CTNNA2: variants seen among roughly 807,000 people sequenced by gnomAD.
CTNNA2 encodes the protein catenin alpha-2.
CTNNA2 carries 42 observed loss-of-function variants against 101.0 expected under a neutral mutation model. The observed-to-expected ratio is 0.42, with a 90% confidence interval of 0.32 to 0.54. The LOEUF (loss-of-function observed/expected upper bound fraction) is 0.54. Among genes scored for constraint, CTNNA2 ranks in the 20% least tolerant of loss-of-function variants. The pLI, the probability that CTNNA2 is intolerant of heterozygous loss-of-function variation, is 0.14. For synonymous variants in CTNNA2, 450 were observed against 456.4 expected, an observed-to-expected ratio of 0.99 and a Z score of 0.18; for missense variants, 871 against 1,223.1, an observed-to-expected ratio of 0.71 and a Z score of 4.29.
chr2:80,216,839 AT>A (rs5832441), intron 7 of CTNNA2, among the ~76,000 whole-genome samples: 82,958 of 135,918 alleles, frequency 0.61, 24,572 homozygotes, highest in African/African-American at 0.73. Context: ...AGCTATTTCC[AT>A]TTTTTTTTTT....
chr2:80,627,477 G>A (rs2149820870), intron 18 of CTNNA2, among the ~76,000 whole-genome samples: 1 of 152,258 alleles, frequency 6.6e-6, no homozygotes, highest in African/African-American at 2.4e-5. Flanking sequence ...GTGATGATGA[G>A]CATTATTTCA....
chr2:80,272,843 A>G lies in CTNNA2; in HGVS notation c.1057-120368A>G, dbSNP rs1673604605. ...ATCTAGCAACCCAAGCTGCGAGACA[A>G]CTATTTTGCCAAGATATTTGCTTGA... On this transcript the variant is annotated intron_variant, in intron 7 of 18. Transcript: ENST00000402739. 2.0e-5 allele frequency among the ~76,000 whole-genome samples: 3 copies of G among 152,312 alleles called. No individual in the cohort carries two copies. The South Asian group carries it at 6.2e-4, about 32-fold the overall frequency.
In CTNNA2 at chr2:80,226,837, G is replaced by T. The variant is rs116152285; in HGVS notation, c.1057-166374G>T. Among the ~76,000 whole-genome samples the T allele has an allele frequency of 9.9e-5, 15 of 152,028 alleles. No individual in the cohort carries two copies. In the South Asian group the frequency reaches 3.1e-3, roughly 32 times the overall value. On this transcript the variant is annotated intron_variant, in intron 7 of 18. Coordinates refer to ENST00000402739, the MANE Select transcript of CTNNA2 (RefSeq NM_001282597.3). Reference sequence around the variant, plus strand: ...TATCCCATCTCACACCTCTCCTTGGGCCCCTTCCCCTCCAGCTCATCTCCA... The same window carrying T: ...TATCCCATCTCACACCTCTCCTTGGTCCCCTTCCCCTCCAGCTCATCTCCA...
intron 13 of CTNNA2, chr2:80,576,194 T>G (rs1695026249): frequency 6.6e-6 from 1 of 152,128 alleles, no homozygotes; most frequent in African/African-American, 2.4e-5. Flanking sequence ...GTCAAATTCT[T>G]TATCATCTTG....
chr2:79,304,385 T>A (rs547425292), intron 2 of CTNNA2, among the ~76,000 whole-genome samples: 93 of 152,292 alleles, frequency 6.1e-4, no homozygotes, highest in Non-Finnish European at 8.8e-5. Flanking sequence ...ATTCTAAAAC[T>A]GGTTGAATCA....
chr2:79,991,465 G>C (rs1692176428), intron 7 of CTNNA2, among the ~76,000 whole-genome samples: 1 of 152,002 alleles, frequency 6.6e-6, no homozygotes, highest in South Asian at 2.1e-4. Flanking sequence ...ATCTCCCCTA[G>C]AGAAGAAAAT....
At chr2:79,829,416 G>C (rs75681139) in intron 3 of CTNNA2, among the ~76,000 whole-genome samples, 4,963 of 89,626 alleles carry the variant, frequency 0.055, 77 homozygotes, top group African/African-American at 0.086. Flanking sequence ...CACACACACA[G>C]ACACAAAGCC....
intron 1 of CTNNA2, among the ~76,000 whole-genome samples, chr2:79,620,892 A>T (rs1395768994): frequency 6.6e-6 from 1 of 152,218 alleles, no homozygotes; most frequent in East Asian, 1.9e-4. Flanking sequence ...GTTAAAAATT[A>T]ACCTTTGTGC....
At chr2:80,378,984 G>A (rs1573893700) in intron 7 of CTNNA2, among the ~76,000 whole-genome samples, 1 of 152,098 alleles carries the variant, frequency 6.6e-6, no homozygotes, top group South Asian at 2.1e-4. Context: ...ATGGGGAAGA[G>A]GGCAGAAGTG....
At chr2:79,257,870 A>T (rs992755802) in intron 2 of CTNNA2, among the ~76,000 whole-genome samples, 1 of 151,956 alleles carries the variant, frequency 6.6e-6, no homozygotes, top group African/African-American at 2.4e-5. Flanking sequence ...CAAAATCAAG[A>T]TGTCAGCAGG....
At chr2:80,477,173 G>A (rs1412226285) in intron 9 of CTNNA2, among the ~76,000 whole-genome samples, 1 of 152,078 alleles carries the variant, frequency 6.6e-6, no homozygotes, top group Non-Finnish European at 1.5e-5. Context: ...TACCTATGTG[G>A]TACACATACA....
intron 12 of CTNNA2, among the ~76,000 whole-genome samples, chr2:80,557,953 C>T (rs1261319388): frequency 6.6e-6 from 1 of 152,092 alleles, no homozygotes; most frequent in Non-Finnish European, 1.5e-5. Context: ...TCCTGGCTTG[C>T]AATGATTGAG....
chr2:80,046,405 A>G (rs1284114437), intron 7 of CTNNA2, among the ~76,000 whole-genome samples: 1 of 152,172 alleles, frequency 6.6e-6, no homozygotes, highest in Non-Finnish European at 1.5e-5. Context: ...GGCTCTCAGT[A>G]GATGAGACCT....
At chr2:79,685,019 T>G (rs557479910) in intron 2 of CTNNA2, among the ~76,000 whole-genome samples, 2 of 152,258 alleles carry the variant, frequency 1.3e-5, no homozygotes, top group Admixed American at 1.3e-4. Flanking sequence ...TTGCTCCAAG[T>G]TTTCAACCTT....
At chr2:79,337,112 T>A (rs1048237126) in intron 3 of CTNNA2, among the ~76,000 whole-genome samples, 1 of 152,224 alleles carries the variant, frequency 6.6e-6, no homozygotes, top group African/African-American at 2.4e-5. Flanking sequence ...CAAAGGGTCA[T>A]AGATTTTTTT....
intron 2 of CTNNA2, among the ~76,000 whole-genome samples, chr2:79,707,519 C>G (rs970376364): frequency 1.3e-5 from 2 of 152,222 alleles, no homozygotes; most frequent in African/African-American, 4.8e-5. Context: ...GTATTTCCTG[C>G]ATTGGCATAC....
chr2:79,190,492 C>T (rs773348707), intron 1 of CTNNA2, among the ~76,000 whole-genome samples: 24 of 152,226 alleles, frequency 1.6e-4, no homozygotes, highest in Middle Eastern at 3.4e-3. Flanking sequence ...CATACTTGGA[C>T]ACAATAGGTG....
intron 2 of CTNNA2, among the ~76,000 whole-genome samples, chr2:79,679,143 TC>T (rs2104628852): frequency 6.6e-6 from 1 of 152,334 alleles, no homozygotes; most frequent in Admixed American, 6.5e-5. Flanking sequence ...GTGTTTCGCC[TC>T]CTAGAGCATT....
chr2:80,022,912 T>C (rs1187341227), intron 7 of CTNNA2, among the ~76,000 whole-genome samples: 4 of 152,162 alleles, frequency 2.6e-5, no homozygotes, highest in South Asian at 2.1e-4. Context: ...CTGGGGTCCG[T>C]TGGGAGCTTT....
Sources: gnomAD v4.1 joint callset for allele counts (sites outside exome capture counted in the v4.1 genomes callset) on GRCh38, gnomAD v4.1.1 for gene constraint, MANE v1.5 for transcripts, NCBI Gene and HGNC (gene_info 2026-07-23, HGNC 2026-07-21) for gene names.